TMEM38B: variants seen among roughly 807,000 people sequenced by gnomAD.
TMEM38B encodes the protein transmembrane protein 38B, also known as trimeric intracellular cation channel type B.
In TMEM38B, 24 loss-of-function variants were observed where a neutral mutation model predicts 28.7. That is an observed-to-expected ratio of 0.84 (90% CI 0.61 to 1.18). TMEM38B has a LOEUF of 1.18. TMEM38B is among the 50% of genes most tolerant of loss of function. The pLI, the probability that TMEM38B is intolerant of heterozygous loss-of-function variation, is 0.00. For synonymous variants in TMEM38B, 131 were observed against 127.7 expected (o/e 1.03, Z -0.17); for missense variants, 380 against 350.9 (o/e 1.08, Z -0.66).
At chr9:105,773,746 AT>A (rs1826635071) in intron 5 of TMEM38B, 118 bp from the exon 6 acceptor site, 2 of 881,720 alleles carry the variant, frequency 2.3e-6, no homozygotes, top group Non-Finnish European at 3.4e-6. Context: ...TCTAGCTTAG[AT>A]TGCTTCCCCT....
chr9:105,771,741 C>T (rs140256092), intron 5 of TMEM38B, among the ~76,000 whole-genome samples: 19 of 152,132 alleles, frequency 1.2e-4, no homozygotes, highest in African/African-American at 4.3e-4. Flanking sequence ...TTGGACTCCT[C>T]GTTTTACATT....
intron 2 of TMEM38B, among the ~76,000 whole-genome samples, chr9:105,706,903 A>C (rs922418903): frequency 2.6e-5 from 4 of 152,020 alleles, no homozygotes; most frequent in Non-Finnish European, 5.9e-5. Context: ...CAGCCTCCCA[A>C]GTGGCTGAGA....
intron 5 of TMEM38B, chr9:105,758,791 C>G: frequency 1.2e-6 from 1 of 836,754 alleles, no homozygotes; most frequent in South Asian, 1.4e-5. Context: ...TTACATTTAT[C>G]TCAGGAAAAT....
chr9:105,739,160 C>A (rs1837094146), intron 4 of TMEM38B, among the ~76,000 whole-genome samples: 1 of 152,152 alleles, frequency 6.6e-6, no homozygotes, highest in African/African-American at 2.4e-5. Flanking sequence ...ATCAACTGAG[C>A]ATAGATGTAT....
intron 1 of TMEM38B, among the ~76,000 whole-genome samples, chr9:105,695,153 C>CGGCCACTCGCTCGCAGTGT (rs1404680618): frequency 5.3e-5 from 8 of 149,564 alleles, no homozygotes; most frequent in African/African-American, 1.8e-4. Context: ...CCTCGCGGTA[C>CGGCCACTCGCTCGCAGTGT]CGCCACTCGC....
At chr9:105,756,310 A>G (rs1837830395) in intron 5 of TMEM38B, among the ~76,000 whole-genome samples, 4 of 152,130 alleles carry the variant, frequency 2.6e-5, no homozygotes, top group Admixed American at 2.6e-4. Flanking sequence ...CCTTCAGTAT[A>G]GTGTTGATAG....
intron 5 of TMEM38B, chr9:105,759,760 G>A (rs1234417149): frequency 1.2e-6 from 2 of 1,607,974 alleles, no homozygotes; most frequent in Non-Finnish European, 1.7e-6. Flanking sequence ...ATTCCGTGCT[G>A]GTTTTAAGAG....
rs1216629363 is a variant in TMEM38B at position 105,758,670 on chromosome 9, C to T, written c.660+10480C>T. 9.1e-6 allele frequency: 7 copies of T among 768,990 alleles called. No homozygotes were observed. The Admixed American group carries it at 1.4e-4, about 15-fold the overall frequency. The allele number at this position is 768,990 out of a possible 1,614,324, so 47.6% of individuals were successfully genotyped here. A position where few individuals can be genotyped will look rare whatever the true frequency, so the allele number is the denominator to read the frequency against. ...TGCAACTTAGCCATTTAAAACTCTG[C>T]CACGAAGACATCCAGAATTGAGAAA... On this transcript the variant is annotated intron_variant, in intron 5 of 5. Transcript: ENST00000374692.
intron 4 of TMEM38B, among the ~76,000 whole-genome samples, chr9:105,726,606 G>A (rs1836523739): frequency 1.3e-5 from 2 of 151,950 alleles, no homozygotes; most frequent in African/African-American, 4.8e-5. Flanking sequence ...TCTGACTGAG[G>A]CTGTTTTACA....
intron 4 of TMEM38B, among the ~76,000 whole-genome samples, chr9:105,737,998 G>C (rs1487338209): frequency 3.9e-5 from 6 of 152,172 alleles, no homozygotes; most frequent in Non-Finnish European, 8.8e-5. Context: ...CACCAGACAG[G>C]CATGGTGCAG....
chr9:105,732,938 T>C (rs1439636212), intron 4 of TMEM38B, among the ~76,000 whole-genome samples: 1 of 152,222 alleles, frequency 6.6e-6, no homozygotes, highest in Admixed American at 6.5e-5. Context: ...TTCCTGTCCA[T>C]GAGCATGGAA....
chr9:105,770,110 G>A (rs12341846), intron 5 of TMEM38B, among the ~76,000 whole-genome samples: 20,356 of 151,904 alleles, frequency 0.13, 2,014 homozygotes, highest in East Asian at 0.47. Context: ...TTTATTCATT[G>A]ATGTATTGAA....
rs751657911 is a variant in TMEM38B, at chr9:105,694,544, G to A, written c.-117G>A. 3.9e-5 allele frequency: 25 copies of A among 645,348 alleles called. No individual in the cohort carries two copies. Among genetic ancestry groups the A allele is most frequent in the Admixed American group, 1.5e-4 (4 of 26,582 alleles). 40.0% of individuals were successfully genotyped at this position (645,348 alleles called of 1,614,324 possible). A position where few individuals can be genotyped will look rare whatever the true frequency, so the allele number is the denominator to read the frequency against. On this transcript the variant is annotated 5_prime_UTR_variant, in exon 1 of 6. Coordinates refer to ENST00000374692, the MANE Select transcript of TMEM38B (RefSeq NM_018112.3). Reference sequence around the variant, plus strand: ...CTCGGCGCCAGGGCGCACGCGCGGAGCTGGAGCCGGCGCGGAGGAGCGGGC... The same window carrying A: ...CTCGGCGCCAGGGCGCACGCGCGGAACTGGAGCCGGCGCGGAGGAGCGGGC...
At chr9:105,770,571 A>G (rs965805035) in intron 5 of TMEM38B, among the ~76,000 whole-genome samples, 5 of 152,124 alleles carry the variant, frequency 3.3e-5, no homozygotes, top group Non-Finnish European at 5.9e-5. Context: ...TGTAAACCCT[A>G]TGATTTTAAT....
At chr9:105,696,038 C>A (rs1391648308) in intron 1 of TMEM38B, among the ~76,000 whole-genome samples, 3 of 152,146 alleles carry the variant, frequency 2.0e-5, no homozygotes, top group Non-Finnish European at 2.9e-5. Flanking sequence ...TCTGACACTG[C>A]CAGTTTAAAA....
At chr9:105,707,486 A>G (rs1835716449) in intron 2 of TMEM38B, among the ~76,000 whole-genome samples, 1 of 152,150 alleles carries the variant, frequency 6.6e-6, no homozygotes, top group African/African-American at 2.4e-5. Context: ...TATAACAGGA[A>G]CACTTACAGT....
chr9:105,732,103 T>G (rs1169623530), intron 4 of TMEM38B, among the ~76,000 whole-genome samples: 1 of 152,228 alleles, frequency 6.6e-6, no homozygotes, highest in African/African-American at 2.4e-5. Context: ...CAAAAAAGTC[T>G]TCTTTTGAGA....
chr9:105,728,460 T>G (rs1157889751), intron 4 of TMEM38B, among the ~76,000 whole-genome samples: 1 of 152,230 alleles, frequency 6.6e-6, no homozygotes, highest in Non-Finnish European at 1.5e-5. Context: ...CCATGGTGTA[T>G]ATGTGCCACA....
intron 4 of TMEM38B, among the ~76,000 whole-genome samples, chr9:105,725,546 T>C (rs1836478604): frequency 6.6e-6 from 1 of 152,084 alleles, no homozygotes; most frequent in South Asian, 2.1e-4. Context: ...TTATCAAGTA[T>C]ACTTACACAA....
Sources: gnomAD v4.1 joint callset for allele counts (sites outside exome capture counted in the v4.1 genomes callset) on GRCh38, gnomAD v4.1.1 for gene constraint, MANE v1.5 for transcripts, NCBI Gene and HGNC (gene_info 2026-07-23, HGNC 2026-07-21) for gene names.